The following PARD3B variants were observed in gnomAD, a reference collection of about 807,000 sequenced individuals.
PARD3B encodes par-3 family cell polarity regulator beta, also known as partitioning defective 3 homolog B.
A neutral mutation model predicts 130.2 loss-of-function variants in PARD3B; 103 were observed. The ratio of observed to expected loss-of-function variants is 0.79; its 90% confidence interval spans 0.67 to 0.93. PARD3B has a LOEUF of 0.93. PARD3B is among the 40% of genes least tolerant of loss of function. The pLI is 0.00. For missense variants in PARD3B, 1,609 were observed against 1,499.2 expected (o/e 1.07, Z -1.21); for synonymous variants, 583 against 553.2 (o/e 1.05, Z -0.76).
intron 20 of PARD3B, among the ~76,000 whole-genome samples, chr2:205,459,264 T>G (rs2048371023): frequency 6.6e-6 from 1 of 152,222 alleles, no homozygotes; most frequent in Non-Finnish European, 1.5e-5. Flanking sequence ...CTAGCTGTCT[T>G]GGGAGTTCTC....
chr2:204,957,337 A>G (rs922186017), intron 2 of PARD3B, among the ~76,000 whole-genome samples: 1 of 152,302 alleles, frequency 6.6e-6, no homozygotes, highest in East Asian at 1.9e-4. Flanking sequence ...ATTCAAGCAG[A>G]TGCATCTTTA....
Position 204,877,391 on chromosome 2 carries a change from T to G in PARD3B, c.223-87761T>G, listed in dbSNP as rs137949794. Among the ~76,000 whole-genome samples the G allele has an allele frequency of 8.6e-5, 13 of 151,960 alleles. 1 individual carries two copies. The East Asian group carries it at 2.5e-3, about 30-fold the overall frequency. On this transcript the variant is annotated intron_variant, in intron 2 of 22. Transcript: ENST00000406610. ...TGCACATATACCCTAGAACTTAAAG[T>G]ATAATAAAAAAATTAAAAAAAAGAA...
intron 2 of PARD3B, among the ~76,000 whole-genome samples, chr2:204,868,231 T>G (rs988295156): frequency 1.3e-5 from 2 of 152,184 alleles, no homozygotes; most frequent in Non-Finnish European, 2.9e-5. Flanking sequence ...TTTTGATGCC[T>G]GTTATTTGTT....
chr2:204,784,225 A>G (rs922445473), intron 2 of PARD3B, among the ~76,000 whole-genome samples: 19 of 152,204 alleles, frequency 1.2e-4, no homozygotes, highest in African/African-American at 4.6e-4. Context: ...TAAATCCTAC[A>G]TGCCTACTCT....
chr2:205,609,455 C>T (rs537705803), intron 22 of PARD3B, among the ~76,000 whole-genome samples: 1 of 152,248 alleles, frequency 6.6e-6, no homozygotes, highest in South Asian at 2.1e-4. Flanking sequence ...TTAGACAGCT[C>T]ACAGGAGTTT....
intron 20 of PARD3B, among the ~76,000 whole-genome samples, chr2:205,468,849 A>G (rs1003798180): frequency 5.9e-5 from 9 of 152,170 alleles, no homozygotes; most frequent in East Asian, 1.9e-4. Flanking sequence ...ATATATGTCT[A>G]TATGGCTCTC....
intron 22 of PARD3B, among the ~76,000 whole-genome samples, chr2:205,581,950 G>A (rs1291511774): frequency 2.0e-5 from 3 of 152,104 alleles, no homozygotes; most frequent in African/African-American, 7.2e-5. Context: ...TCCCAGATGG[G>A]GAGCCTGGTC....
At chr2:204,693,473 G>A (rs2037448570) in intron 2 of PARD3B, among the ~76,000 whole-genome samples, 1 of 151,926 alleles carries the variant, frequency 6.6e-6, no homozygotes, top group African/African-American at 2.4e-5. Context: ...GTTTCATCAT[G>A]GATAAGTGGA....
rs959693559 is a variant in PARD3B, at chr2:205,589,930, C to T, written c.3261-25526C>T. 6.6e-6 allele frequency among the ~76,000 whole-genome samples: 1 copy of T among 152,020 alleles called. No homozygotes were observed. The highest frequency in any genetic ancestry group is 2.4e-5 in the African/African-American group (1 of 41,372). ...GGTCTTTTGCTTTTCATTTTCTCTACCCTGGAAATGTTGAAAGCTGTATCA... is the reference window on the plus strand; with the variant it reads ...GGTCTTTTGCTTTTCATTTTCTCTATCCTGGAAATGTTGAAAGCTGTATCA... On this transcript the variant is annotated intron_variant, in intron 22 of 22. Coordinates refer to ENST00000406610, the MANE Select transcript of PARD3B (RefSeq NM_001302769.2). The surrounding 1 kb of genome is among the most constrained non-coding windows in gnomAD (Gnocchi z 4.1).
At position 205,300,035 on chromosome 2, in the gene PARD3B, C is replaced by T. The variant is rs1013324124; in HGVS notation, c.2186-495C>T. On this transcript the variant is annotated intron_variant, in intron 16 of 22. Coordinates refer to ENST00000406610, the MANE Select transcript of PARD3B (RefSeq NM_001302769.2). The surrounding 1 kb of genome is among the most constrained non-coding windows in gnomAD (Gnocchi z 4.1). ...TGTTCCTTACTAATCATATGAGCAA[C>T]CATGGCAATGATAAAAGCTGTCAGG... Among the ~76,000 whole-genome samples, 4 of 152,120 alleles carry T rather than the reference C, an allele frequency of 2.6e-5. No homozygotes were observed. The highest frequency in any genetic ancestry group is 1.3e-4 in the Admixed American group (2 of 15,260).
In PARD3B at chr2:205,530,790, A is replaced by T. The variant is rs555818053; in HGVS notation, c.3181-22534A>T. ...TCCTGGATTGGCCACACAGATACTC[A>T]TGCTGGACGATTCAAGAAGATGAAA... On this transcript the variant is annotated intron_variant, in intron 21 of 22. Coordinates refer to ENST00000406610, the MANE Select transcript of PARD3B (RefSeq NM_001302769.2). The surrounding 1 kb of genome is among the most constrained non-coding windows in gnomAD (Gnocchi z 4.7). Among the ~76,000 whole-genome samples, 1 of 152,222 alleles carries T rather than the reference A, an allele frequency of 6.6e-6. No homozygotes were observed. The highest frequency in any genetic ancestry group is 1.5e-5 in the Non-Finnish European group (1 of 68,046).
intron 2 of PARD3B, among the ~76,000 whole-genome samples, chr2:204,710,552 A>G (rs994098187): frequency 5.9e-5 from 9 of 152,184 alleles, no homozygotes; most frequent in African/African-American, 2.2e-4. Context: ...AGTCTTGGGC[A>G]CTCATTGGGG....
chr2:204,762,116 A>ATTT lies in PARD3B; in HGVS notation c.222+75855_222+75857dup, dbSNP rs968166780. 8.9e-3 allele frequency among the ~76,000 whole-genome samples: 848 copies of ATTT among 95,372 alleles called. 23 individuals carry two copies. Among genetic ancestry groups the ATTT allele is most frequent in the African/African-American group, 0.021 (527 of 24,520 alleles). The allele number at this position is 95,372 out of a possible 152,430, so 62.6% of individuals were successfully genotyped here. ...TTTCTTTTCTTTTCCTTCTTTTTCTATTTTTTTTTTTTTTTTTTTTTTTGA... is the reference window on the plus strand; with the variant it reads ...TTTCTTTTCTTTTCCTTCTTTTTCTATTTTTTTTTTTTTTTTTTTTTTTTTTGA... On this transcript the variant is annotated intron_variant, in intron 2 of 22. Transcript: ENST00000406610.
chr2:205,150,590 G>T (rs1473250913), intron 10 of PARD3B, among the ~76,000 whole-genome samples: 1 of 152,022 alleles, frequency 6.6e-6, no homozygotes, highest in Admixed American at 6.6e-5. Flanking sequence ...TACCATTTGG[G>T]AAGTTTGCTA....
chr2:205,115,524 A>C (rs1703960774), intron 6 of PARD3B, among the ~76,000 whole-genome samples: 1 of 152,190 alleles, frequency 6.6e-6, no homozygotes, highest in African/African-American at 2.4e-5. Context: ...TTTTATTATA[A>C]GTTCATGGTT....
intron 22 of PARD3B, among the ~76,000 whole-genome samples, chr2:205,596,919 C>T (rs2054592614): frequency 6.6e-6 from 1 of 152,146 alleles, no homozygotes; most frequent in Admixed American, 6.5e-5. Context: ...TTGGGAGGTA[C>T]TAATGTCAAA....
intron 1 of PARD3B, among the ~76,000 whole-genome samples, chr2:204,653,326 T>C (rs2035544553): frequency 1.3e-5 from 2 of 151,004 alleles, no homozygotes; most frequent in South Asian, 4.2e-4. Context: ...AAGAAAGTCA[T>C]TGTAACCCCT....
chr2:205,062,916 AATGTACTTCAAACTCC>A (rs1157880834), intron 4 of PARD3B, among the ~76,000 whole-genome samples: 1 of 152,122 alleles, frequency 6.6e-6, no homozygotes, highest in Non-Finnish European at 1.5e-5. Flanking sequence ...CTGCATTTTT[AATGTACTTCAAACTCC>A]ATCCTTCCAA....
chr2:204,726,790 C>T (rs2039249937), intron 2 of PARD3B, among the ~76,000 whole-genome samples: 1 of 152,156 alleles, frequency 6.6e-6, no homozygotes, highest in Non-Finnish European at 1.5e-5. Flanking sequence ...TCACATGTCC[C>T]TTCTTTCTCC....
Sources: gnomAD v4.1 joint callset for allele counts (sites outside exome capture counted in the v4.1 genomes callset) on GRCh38, gnomAD v4.1.1 for gene constraint, Gnocchi (gnomAD v3.1) non-coding constraint, MANE v1.5 for transcripts, NCBI Gene and HGNC (gene_info 2026-07-23, HGNC 2026-07-21) for gene names.